The following RNLS variants were observed in gnomAD, a reference collection of about 807,000 sequenced individuals.
The protein encoded by RNLS is renalase.
Under a neutral mutation model 39.8 loss-of-function variants are expected in RNLS, and 39 were observed. The ratio of observed to expected loss-of-function variants is 0.98; its 90% confidence interval spans 0.76 to 1.28. RNLS has a LOEUF of 1.28. Among genes scored for constraint, RNLS ranks in the 50% most tolerant of loss-of-function variants. RNLS has a pLI of 0.00. For synonymous variants in RNLS, 147 were observed against 150.7 expected (o/e 0.98, Z 0.18); for missense variants, 410 against 413.3 (o/e 0.99, Z 0.07).
intron 4 of RNLS, among the ~76,000 whole-genome samples, chr10:88,466,170 A>G (rs1472071049): frequency 6.6e-6 from 1 of 152,152 alleles, no homozygotes; most frequent in East Asian, 1.9e-4. Flanking sequence ...GTCCTGCCCA[A>G]TATACCCATT....
At chr10:88,478,677 C>T (rs1030062000) in intron 4 of RNLS, among the ~76,000 whole-genome samples, 1 of 152,204 alleles carries the variant, frequency 6.6e-6, no homozygotes, top group Non-Finnish European at 1.5e-5. Context: ...TCCGTTCACT[C>T]GAAATATGCT....
At chr10:88,466,664 A>G (rs1029372172) in intron 4 of RNLS, among the ~76,000 whole-genome samples, 17 of 152,264 alleles carry the variant, frequency 1.1e-4, no homozygotes, top group African/African-American at 3.6e-4. Context: ...AAAATAGCAC[A>G]GAACATTTTT....
chr10:88,575,196 CTATATATATATGTGTGTGTATATATA>C (rs1850117321), intron 3 of RNLS, among the ~76,000 whole-genome samples: 1 of 110,800 alleles, frequency 9.0e-6, no homozygotes, highest in Non-Finnish European at 1.7e-5. Context: ...TATATATATA[CTATATATATATGTGTGTGTATATATA>C]TATATATATA....
At chr10:88,557,571 A>T (rs1404824775) in intron 4 of RNLS, among the ~76,000 whole-genome samples, 1 of 152,158 alleles carries the variant, frequency 6.6e-6, no homozygotes, top group Non-Finnish European at 1.5e-5. Flanking sequence ...ACAAATTTGG[A>T]CTAAAGCTTA....
At chr10:88,461,512 T>C (rs2133939707) in intron 4 of RNLS, among the ~76,000 whole-genome samples, 1 of 152,262 alleles carries the variant, frequency 6.6e-6, no homozygotes, top group Middle Eastern at 3.4e-3. Context: ...TCTGGCTTCC[T>C]TGGGCATATA....
intron 4 of RNLS, among the ~76,000 whole-genome samples, chr10:88,527,991 G>A (rs1847206543): frequency 1.3e-5 from 2 of 151,718 alleles, no homozygotes; most frequent in Admixed American, 6.6e-5. Flanking sequence ...TAATATGGAA[G>A]AAATCTAAAT....
the RNLS span, among the ~76,000 whole-genome samples, chr10:88,262,978 A>G: frequency 9.9e-5 from 15 of 152,130 alleles, no homozygotes; most frequent in African/African-American, 3.6e-4. Context: ...AAGAGTGTAA[A>G]TTTCAGAGAC....
intron 4 of RNLS, among the ~76,000 whole-genome samples, chr10:88,436,537 A>G (rs551222014): frequency 3.9e-4 from 59 of 152,294 alleles, no homozygotes; most frequent in African/African-American, 1.4e-3. Flanking sequence ...AGCTTTTACC[A>G]TTTAATATGT....
intron 4 of RNLS, among the ~76,000 whole-genome samples, chr10:88,459,587 C>T (rs1232902670): frequency 3.3e-5 from 5 of 152,104 alleles, no homozygotes; most frequent in African/African-American, 9.7e-5. Context: ...AGCCCCAGGA[C>T]ACCGTTAAGA....
At chr10:88,189,415 T>G in the RNLS span, among the ~76,000 whole-genome samples, 1 of 152,182 alleles carries the variant, frequency 6.6e-6, no homozygotes, top group Non-Finnish European at 1.5e-5. Context: ...TAAAGGGATA[T>G]AGTAATAATT....
rs374669832 is a variant in RNLS, at chr10:88,299,601, C to T, written c.877-14095G>A. The stretch of plus-strand genomic sequence containing the variant: ...GATTGTGCCACTGTACTCCAGCCTG[C>T]GCAATAGAGCAAGACTCCATTTCAA... On this transcript the variant is annotated intron_variant, in intron 6 of 6. Coordinates refer to ENST00000331772, the MANE Select transcript of RNLS (RefSeq NM_001031709.3). 6.6e-5 allele frequency among the ~76,000 whole-genome samples: 10 copies of T among 152,146 alleles called. 1 individual carries two copies. In the East Asian group the frequency reaches 9.7e-4, roughly 15 times the overall value.
intron 4 of RNLS, 136 bp downstream of exon 4, chr10:88,572,767 G>GT (rs1433842716): frequency 1.7e-5 from 14 of 845,492 alleles, no homozygotes; most frequent in African/African-American, 1.0e-4. Flanking sequence ...GACGACGGCC[G>GT]TAAGTATCAG....
intron 5 of RNLS, among the ~76,000 whole-genome samples, chr10:88,338,031 C>T (rs897079925): frequency 6.6e-6 from 1 of 152,148 alleles, no homozygotes; most frequent in Admixed American, 6.5e-5. Flanking sequence ...TCTTCTGGGC[C>T]TCAATTTCTT....
chr10:88,431,524 T>C (rs1363197064), intron 4 of RNLS, among the ~76,000 whole-genome samples: 1 of 151,756 alleles, frequency 6.6e-6, no homozygotes, highest in Non-Finnish European at 1.5e-5. Context: ...TTTTGGGCTT[T>C]CTTTGCTCTT....
intron 4 of RNLS, among the ~76,000 whole-genome samples, chr10:88,517,096 G>C (rs943094503): frequency 1.3e-5 from 2 of 151,942 alleles, no homozygotes; most frequent in African/African-American, 2.4e-5. Flanking sequence ...AAATCACCCA[G>C]CTAGGAATGG....
intron 4 of RNLS, among the ~76,000 whole-genome samples, chr10:88,507,972 A>C (rs1458008982): frequency 6.6e-6 from 1 of 152,132 alleles, no homozygotes; most frequent in Non-Finnish European, 1.5e-5. Context: ...GAGAGGAGTT[A>C]ATTAGTTAAT....
At position 88,502,307 on chromosome 10, in the gene RNLS, G is replaced by A. The variant is rs1188442010; in HGVS notation, c.526+70596C>T. ...CCTTTAGCAGAGGTGGGGTAGGGTT[G>A]AATGAGTTCTCCTGGGAGGTGGGCG... On this transcript the variant is annotated intron_variant, in intron 4 of 6. Transcript: ENST00000331772. 1.0e-4 allele frequency among the ~76,000 whole-genome samples: 12 copies of A among 120,506 alleles called. No homozygotes were observed. The Admixed American group carries it at 1.2e-3, about 12-fold the overall frequency. The allele number at this position is 120,506 out of a possible 152,430, so 79.1% of individuals were successfully genotyped here.
At chr10:88,227,437 T>A in the RNLS span, among the ~76,000 whole-genome samples, 1 of 152,206 alleles carries the variant, frequency 6.6e-6, no homozygotes, top group Admixed American at 6.5e-5. Context: ...TATGCTATGG[T>A]AGCGATGAAC....
chr10:88,480,873 C>A (rs1275705810), intron 4 of RNLS, among the ~76,000 whole-genome samples: 1 of 150,584 alleles, frequency 6.6e-6, no homozygotes, highest in African/African-American at 2.4e-5. Flanking sequence ...TATTATTTTA[C>A]AAAGATATGA....
Sources: allele counts gnomAD v4.1 joint callset (sites outside exome capture counted in the v4.1 genomes callset), GRCh38; gene constraint gnomAD v4.1.1; transcripts MANE v1.5; gene names NCBI Gene and HGNC (gene_info 2026-07-23, HGNC 2026-07-21).